CACNA1E: variants seen among roughly 807,000 people sequenced by gnomAD.
The protein encoded by CACNA1E is calcium voltage-gated channel subunit alpha1 E.
A neutral mutation model predicts 259.2 loss-of-function variants in CACNA1E; 40 were observed. The observed-to-expected ratio is 0.15, with a 90% confidence interval of 0.12 to 0.20. CACNA1E has a LOEUF of 0.20. Ranked by LOEUF, CACNA1E falls within the 10% of genes least tolerant of loss-of-function variation. The pLI is 1.00. For missense variants in CACNA1E, 1,874 were observed against 3,040.1 expected (o/e 0.62, Z 9.02); for synonymous variants, 1,104 against 1,138.5 (o/e 0.97, Z 0.61).
chr1:181,788,929 C>G (rs1388835039), intron 43 of CACNA1E, among the ~76,000 whole-genome samples: 3 of 152,170 alleles, frequency 2.0e-5, no homozygotes, highest in African/African-American at 7.2e-5. Context: ...TACAGTGGCA[C>G]AACTGGCTCA....
chr1:181,636,820 A>G (rs78733286), intron 6 of CACNA1E, among the ~76,000 whole-genome samples: 4,316 of 152,232 alleles, frequency 0.028, 184 homozygotes, highest in African/African-American at 0.095. Context: ...CTTAGCCTTG[A>G]CCAGTCTTTC....
intron 1 of CACNA1E, among the ~76,000 whole-genome samples, chr1:181,388,164 G>C (rs947080881): frequency 3.3e-5 from 5 of 152,210 alleles, no homozygotes; most frequent in African/African-American, 1.2e-4. Flanking sequence ...GCCATCGCTG[G>C]AACATCATGC....
chr1:181,510,652 A>C (rs1572059998), intron 2 of CACNA1E, 70 bp downstream of exon 2: 2 of 968,662 alleles, frequency 2.1e-6, no homozygotes, highest in East Asian at 2.5e-5. Flanking sequence ...CTGCTTTATC[A>C]CTCTCCCATT....
intron 1 of CACNA1E, among the ~76,000 whole-genome samples, chr1:181,404,626 C>T (rs564831360): frequency 2.6e-4 from 40 of 152,304 alleles, no homozygotes; most frequent in African/African-American, 5.1e-4. Flanking sequence ...AGATCAGACA[C>T]GCTTTGGAGG....
intron 3 of CACNA1E, among the ~76,000 whole-genome samples, chr1:181,520,464 A>G (rs907770422): frequency 6.6e-6 from 1 of 152,244 alleles, no homozygotes; most frequent in African/African-American, 2.4e-5. Flanking sequence ...AAAAACCAGC[A>G]TATAAAAATT....
chr1:181,729,184 A>C (rs1311888891), intron 18 of CACNA1E, among the ~76,000 whole-genome samples: 1 of 147,410 alleles, frequency 6.8e-6, no homozygotes, highest in Non-Finnish European at 1.5e-5. Flanking sequence ...TGCACTGCTC[A>C]GGTGTGTGTG....
chr1:181,591,657 A>G (rs1041764124), intron 6 of CACNA1E, among the ~76,000 whole-genome samples: 2 of 152,290 alleles, frequency 1.3e-5, no homozygotes, highest in East Asian at 3.9e-4. Context: ...TTTATTTGAA[A>G]AAAGTGATTT....
intron 2 of CACNA1E, among the ~76,000 whole-genome samples, chr1:181,477,454 G>GT (rs1246382561): frequency 6.6e-6 from 1 of 152,204 alleles, no homozygotes; most frequent in Non-Finnish European, 1.5e-5. Context: ...TGAGAACAAT[G>GT]TGTGGCTCAT....
At chr1:181,554,105 G>C (rs1648473638) in intron 3 of CACNA1E, among the ~76,000 whole-genome samples, 1 of 152,000 alleles carries the variant, frequency 6.6e-6, no homozygotes, top group Non-Finnish European at 1.5e-5. Flanking sequence ...TGACCTCCTG[G>C]ACTCCAGGGA....
chr1:181,636,331 G>GT (rs1657209113), intron 6 of CACNA1E, among the ~76,000 whole-genome samples: 1 of 152,182 alleles, frequency 6.6e-6, no homozygotes, highest in Admixed American at 6.5e-5. Context: ...AGAGGAAAAG[G>GT]TTATAGTACT....
intron 38 of CACNA1E, among the ~76,000 whole-genome samples, chr1:181,780,754 T>A (rs536160105): frequency 4.6e-5 from 7 of 152,194 alleles, no homozygotes; most frequent in Non-Finnish European, 8.8e-5. Flanking sequence ...TGCTGGGGAA[T>A]AAAGAGCAGT....
At chr1:181,380,394 T>A (rs2609490) in intron 1 of CACNA1E, among the ~76,000 whole-genome samples, 79,730 of 151,934 alleles carry the variant, frequency 0.52, 22,402 homozygotes, top group African/African-American at 0.74. Flanking sequence ...CAAAGTAAGT[T>A]CAAGAAAATA....
chr1:181,360,078 C>G (rs1355693705), intron 1 of CACNA1E, among the ~76,000 whole-genome samples: 1 of 152,168 alleles, frequency 6.6e-6, no homozygotes, highest in Non-Finnish European at 1.5e-5. Context: ...TTTGCTGCTT[C>G]CATGACACCT....
intron 32 of CACNA1E, among the ~76,000 whole-genome samples, chr1:181,762,369 A>G (rs1360774925): frequency 6.6e-6 from 1 of 152,268 alleles, no homozygotes; most frequent in Non-Finnish European, 1.5e-5. Context: ...ACTGCTTTCC[A>G]AATGAGAAAT....
At chr1:181,542,212 A>G (rs115789070) in intron 3 of CACNA1E, among the ~76,000 whole-genome samples, 5,204 of 152,278 alleles carry the variant, frequency 0.034, 169 homozygotes, top group South Asian at 0.05. Context: ...CTGCAACCTC[A>G]TGAGAGATCT....
chr1:181,321,841 T>C (rs529389007), intron 1 of CACNA1E, among the ~76,000 whole-genome samples: 1 of 152,310 alleles, frequency 6.6e-6, no homozygotes, highest in East Asian at 1.9e-4. Context: ...CATGTGACCT[T>C]GTGCAAATCG....
At chr1:181,650,802 A>T (rs1658687584) in intron 6 of CACNA1E, among the ~76,000 whole-genome samples, 1 of 152,242 alleles carries the variant, frequency 6.6e-6, no homozygotes. Flanking sequence ...GCTGGGGCCA[A>T]GCCTGGGCCA....
intron 2 of CACNA1E, among the ~76,000 whole-genome samples, chr1:181,420,058 G>T (rs1009716029): frequency 3.9e-5 from 6 of 152,068 alleles, no homozygotes; most frequent in African/African-American, 1.4e-4. Flanking sequence ...GTTCTCTGTG[G>T]GCAGCCCTGA....
At chr1:181,399,544 G>C (rs1437071188) in intron 1 of CACNA1E, among the ~76,000 whole-genome samples, 1 of 152,234 alleles carries the variant, frequency 6.6e-6, no homozygotes, top group African/African-American at 2.4e-5. Context: ...TTGGGTGGTG[G>C]GGGAAAGAGG....
Sources: allele counts gnomAD v4.1 joint callset (sites outside exome capture counted in the v4.1 genomes callset), GRCh38; gene constraint gnomAD v4.1.1; transcripts MANE v1.5; gene names NCBI Gene and HGNC (gene_info 2026-07-23, HGNC 2026-07-21).